Variants in NUP133 observed in about 807,000 individuals in gnomAD.
NUP133 encodes the protein nuclear pore complex protein Nup133.
A neutral mutation model predicts 146.2 loss-of-function variants in NUP133; 66 were observed. The ratio of observed to expected loss-of-function variants is 0.45; its 90% CI spans 0.37 to 0.55. The LOEUF is 0.55. Among genes scored for constraint, NUP133 ranks in the 20% least tolerant of loss-of-function variants. The probability of loss-of-function intolerance (pLI) is 0.00; values close to 1 mark genes in which losing one functional copy is unlikely to be tolerated. For missense variants in NUP133, 1,277 were observed against 1,374.8 expected (o/e 0.93, Z 1.12); for synonymous variants, 521 against 498.8 (o/e 1.04, Z -0.59).
At chr1:229,492,116 T>C (rs1002915093) in intron 8 of NUP133, among the ~76,000 whole-genome samples, 1 of 152,052 alleles carries the variant, frequency 6.6e-6, no homozygotes, top group African/African-American at 2.4e-5. Flanking sequence ...CATTTTTTTT[T>C]TTTTTTTGAG....
rs748917141 is a variant in NUP133, at chr1:229,466,630, G to T, written c.2199+4C>A. On this transcript the variant is annotated splice_donor_region_variant and intron_variant, in intron 16 of 25. Coordinates refer to ENST00000261396, the MANE Select transcript of NUP133 (RefSeq NM_018230.3). ...TTGCTGAAGCCTTTACTATATTTTTGTACCTTGAGAATATTGTTCACATTG... is the reference window on the plus strand; with the variant it reads ...TTGCTGAAGCCTTTACTATATTTTTTTACCTTGAGAATATTGTTCACATTG... 2.5e-6 allele frequency: 4 copies of T among 1,613,696 alleles called. No individual in the cohort carries two copies. The highest frequency in any genetic ancestry group is 3.4e-6 in the Non-Finnish European group (4 of 1,179,882).
chr1:229,443,362 T>C (rs1320509274), intron 25 of NUP133, among the ~76,000 whole-genome samples: 1 of 152,128 alleles, frequency 6.6e-6, no homozygotes, highest in African/African-American at 2.4e-5. Flanking sequence ...TATAACACCA[T>C]TCTCAACTAT....
rs892538960 is a variant in NUP133, at chr1:229,499,455, A to G, written c.648+229T>C. Among the ~76,000 whole-genome samples the G allele has an allele frequency of 2.0e-5, 3 of 151,944 alleles. No homozygotes were observed. In the South Asian group the frequency reaches 6.2e-4, roughly 32 times the overall value. ...GCCTCTATAGTCTCTTTAAAACCCCACATTTTTAGTCATCAAATCTCATTT... is the reference window on the plus strand; with the variant it reads ...GCCTCTATAGTCTCTTTAAAACCCCGCATTTTTAGTCATCAAATCTCATTT... On this transcript the variant is annotated intron_variant, in intron 5 of 25. Transcript: ENST00000261396.
intron 5 of NUP133, chr1:229,499,155 C>G (rs1170636960): frequency 2.1e-6 from 1 of 468,582 alleles, no homozygotes; most frequent in African/African-American, 2.0e-5. Flanking sequence ...CCGCTTCAGC[C>G]ATTCAAAGTG....
chr1:229,496,370 A>G (rs1347634141), intron 6 of NUP133, among the ~76,000 whole-genome samples: 1 of 152,174 alleles, frequency 6.6e-6, no homozygotes, highest in Non-Finnish European at 1.5e-5. Flanking sequence ...GCTACTCAGG[A>G]GACTAAGGCA....
chr1:229,460,288 A>G (rs1660662786), intron 20 of NUP133, among the ~76,000 whole-genome samples: 1 of 152,150 alleles, frequency 6.6e-6, no homozygotes. Context: ...CTCAACCTCC[A>G]GAGCTCAAGT....
At chr1:229,501,915 A>G in intron 3 of NUP133, 84 bp downstream of exon 3, 2 of 971,726 alleles carry the variant, frequency 2.1e-6, no homozygotes, top group African/African-American at 1.6e-5. Flanking sequence ...CTATCCTCCA[A>G]CTGTAAAAAA....
chr1:229,506,227 T>C (rs1661933143), intron 1 of NUP133, 69 bp from the exon 2 acceptor site: 1 of 857,076 alleles, frequency 1.2e-6, no homozygotes, highest in Non-Finnish European at 1.8e-6. Flanking sequence ...TTTTTATGTA[T>C]ATATTTTCAC....
At chr1:229,469,592 A>C (rs1360393898) in intron 15 of NUP133, among the ~76,000 whole-genome samples, 17 of 152,324 alleles carry the variant, frequency 1.1e-4, no homozygotes, top group Middle Eastern at 6.8e-3. Flanking sequence ...GAAGAGGCAC[A>C]AGGAGGGGGC....
At chr1:229,455,856 T>C (rs1379310939) in intron 21 of NUP133, among the ~76,000 whole-genome samples, 2 of 152,222 alleles carry the variant, frequency 1.3e-5, no homozygotes, top group African/African-American at 2.4e-5. Flanking sequence ...TATCATCTAA[T>C]ACTAAGTATG....
chr1:229,464,634 T>A lies in NUP133; in HGVS notation c.2541A>T (p.Leu847Phe). 1 of 1,614,150 alleles carries A rather than the reference T, an allele frequency of 6.2e-7. No individual in the cohort carries two copies. The highest frequency in any genetic ancestry group is 8.5e-7 in the Non-Finnish European group (1 of 1,179,962). Residue 847 changes from leucine (L) to phenylalanine (F), a missense_variant, in exon 18 of 26, where the codon TTA (leucine) becomes TTT (phenylalanine). By Grantham distance (22) the Leu-to-Phe change is conservative. Coordinates refer to ENST00000261396, the MANE Select transcript of NUP133 (RefSeq NM_018230.3). ...GTATCATGAACTTACGAAGAGGAGA[T>A]AAGAGATCTGATCTTTTCTGTAGGT... Reference protein sequence around the residue: ...MEYLQKRSDLLSPLLSLGQYL... With the variant: ...MEYLQKRSDLFSPLLSLGQYL...
At position 229,466,648 on chromosome 1, in the gene NUP133, T is replaced by C; in HGVS notation, c.2185A>G (p.Asn729Asp). ...IEWAEVVINV[N>D]NILKDMLQAA... ...TATTTTTGTACCTTGAGAATATTGTTCACATTGATCACCACTTCAGCCCAT... is the reference window on the plus strand; with the variant it reads ...TATTTTTGTACCTTGAGAATATTGTCCACATTGATCACCACTTCAGCCCAT... Residue 729 changes from asparagine to aspartate, a missense_variant, in exon 16 of 26, where the codon AAC (asparagine) becomes GAC (aspartate). Asn to Asp is a conservative substitution (Grantham distance 23). Transcript: ENST00000261396. 6.2e-7 allele frequency: 1 copy of C among 1,614,076 alleles called. No homozygotes were observed. Among genetic ancestry groups the C allele is most frequent in the South Asian group, 1.1e-5 (1 of 91,072 alleles).
At position 229,477,659 on chromosome 1, in the gene NUP133, C is replaced by A. The variant is rs1350043966; in HGVS notation, c.1694G>T (p.Ser565Ile). Reference protein sequence around the residue: ...SELDRAVTQISVDLMDDYPAS... With the variant: ...SELDRAVTQIIVDLMDDYPAS... The stretch of plus-strand genomic sequence containing the variant: ...TGGGTAGTCATCCATCAGGTCTACA[C>A]TGATTTGGGTAACTGCCCTGTCTAG... The change falls in exon 13 of 26, where the codon AGT becomes ATT. Residue 565 changes from serine (S) to isoleucine (I), a missense_variant. This residue lies in a region of NUP133 where 952 missense variants were observed against 1,047.0 expected (regional missense o/e 0.91). Coordinates refer to ENST00000261396, the MANE Select transcript of NUP133 (RefSeq NM_018230.3). 2.5e-6 allele frequency: 4 copies of A among 1,614,068 alleles called. No homozygotes were observed. Among genetic ancestry groups the A allele is most frequent in the South Asian group, 1.1e-5 (1 of 91,078 alleles).
At chr1:229,484,195 T>G (rs1445257507) in intron 11 of NUP133, 50 bp from the exon 12 acceptor site, 4 of 1,346,730 alleles carry the variant, frequency 3.0e-6, no homozygotes, top group Non-Finnish European at 4.2e-6. Flanking sequence ...TGAATATTCT[T>G]AATTATTGGA....
At chr1:229,475,811 TTAAAA>T (rs1464572593) in intron 13 of NUP133, 79 bp from the exon 14 acceptor site, 4 of 1,202,044 alleles carry the variant, frequency 3.3e-6, no homozygotes, top group Non-Finnish European at 4.9e-6. Context: ...CTAACTGCTA[TTAAAA>T]TAAAAAGCTA....
In NUP133 at chr1:229,458,181, A is replaced by G; in HGVS notation, c.2960T>C (p.Met987Thr). 4 of 1,612,178 alleles carry G rather than the reference A, an allele frequency of 2.5e-6. No individual in the cohort carries two copies. The highest frequency in any genetic ancestry group is 3.4e-6 in the Non-Finnish European group (4 of 1,179,068). ...TTCACCTTCAATTTTTTCTTGTAGCATATCCTCTGAAAAGTCTGAAGCTAA... is the reference window on the plus strand; with the variant it reads ...TTCACCTTCAATTTTTTCTTGTAGCGTATCCTCTGAAAAGTCTGAAGCTAA... ...AALASDFSEDMLQEKIEEMAE... is the reference protein window; with the variant it reads ...AALASDFSEDTLQEKIEEMAE... The change falls in exon 21 of 26, where the codon ATG becomes ACG. Residue 987 changes from methionine (M) to threonine (T), a missense_variant. By Grantham distance (81) the Met-to-Thr change is moderately conservative (BLOSUM62 -1). Transcript: ENST00000261396.
At chr1:229,479,626 G>C (rs993807408) in intron 12 of NUP133, among the ~76,000 whole-genome samples, 1 of 152,146 alleles carries the variant, frequency 6.6e-6, no homozygotes, top group Non-Finnish European at 1.5e-5. Flanking sequence ...ACTGGAGCAG[G>C]GGGTAAGGAT....
chr1:229,475,593 G>T, intron 14 of NUP133, 45 bp downstream of exon 14: 1 of 1,405,300 alleles, frequency 7.1e-7, no homozygotes, highest in Non-Finnish European at 1.0e-6. Flanking sequence ...GTGTTGGAGA[G>T]ACTGCCAAAG....
intron 20 of NUP133, 94 bp from the exon 21 acceptor site, chr1:229,458,390 AG>A: frequency 2.4e-6 from 3 of 1,260,344 alleles, no homozygotes; most frequent in Non-Finnish European, 3.3e-6. Context: ...TTCTCCCCTA[AG>A]CCGTATCAAT....
Sources: allele counts gnomAD v4.1 joint callset (sites outside exome capture counted in the v4.1 genomes callset), GRCh38; gene constraint gnomAD v4.1.1; regional missense constraint gnomAD v4.1.1; transcripts MANE v1.5; gene names NCBI Gene and HGNC (gene_info 2026-07-23, HGNC 2026-07-21).